APP: variants seen among roughly 807,000 people sequenced by gnomAD.
APP encodes the protein amyloid-beta precursor protein.
APP carries 31 observed loss-of-function variants against 101.4 expected under a neutral mutation model. The observed-to-expected ratio is 0.31, with a 90% CI of 0.23 to 0.41. The LOEUF (loss-of-function observed/expected upper bound fraction) is 0.41. Among genes scored for constraint, APP ranks in the 10% least tolerant of loss-of-function variants. The pLI is 1.00. For missense variants in APP, 839 were observed against 1,003.7 expected (o/e 0.84, Z 2.22); for synonymous variants, 366 against 364.4 (o/e 1.00, Z -0.05).
chr21:26,038,468 G>GA (rs757019836), intron 5 of APP, among the ~76,000 whole-genome samples: 2 of 152,008 alleles, frequency 1.3e-5, no homozygotes, highest in African/African-American at 2.4e-5. Context: ...ATTTGACTAA[G>GA]AAAAAAATCA....
At chr21:25,901,317 A>C (rs2038465462) in intron 15 of APP, among the ~76,000 whole-genome samples, 3 of 96,662 alleles carry the variant, frequency 3.1e-5, no homozygotes, top group Admixed American at 1.1e-4. Flanking sequence ...AAAAAAAAAA[A>C]ACAAAACCAA....
chr21:25,909,093 C>T (rs958682676), intron 14 of APP, among the ~76,000 whole-genome samples: 1 of 151,946 alleles, frequency 6.6e-6, no homozygotes, highest in Admixed American at 6.6e-5. Flanking sequence ...GAAACCCTAT[C>T]TCTAGTAAAA....
At chr21:26,131,359 C>T (rs1417369911) in intron 1 of APP, among the ~76,000 whole-genome samples, 2 of 152,098 alleles carry the variant, frequency 1.3e-5, no homozygotes, top group African/African-American at 2.4e-5. Flanking sequence ...CGAGGTTTTC[C>T]AGCGAAATGC....
chr21:26,144,893 G>A (rs1388370442), intron 1 of APP, among the ~76,000 whole-genome samples: 1 of 152,198 alleles, frequency 6.6e-6, no homozygotes, highest in Non-Finnish European at 1.5e-5. Context: ...AATAATTTAT[G>A]CTTCCAGTAC....
At chr21:26,170,543 C>T in intron 1 of APP, 21 bp downstream of exon 1, 2 of 1,537,010 alleles carry the variant, frequency 1.3e-6, no homozygotes, top group Non-Finnish European at 1.7e-6. Flanking sequence ...CTCCCCCCGC[C>T]TTCCGAGGCG....
At chr21:26,019,929 T>A (rs914535893) in intron 6 of APP, among the ~76,000 whole-genome samples, 6 of 152,186 alleles carry the variant, frequency 3.9e-5, no homozygotes, top group African/African-American at 1.4e-4. Context: ...AAAATGGTGG[T>A]TTAAACAAAA....
chr21:26,131,493 A>G (rs898987666), intron 1 of APP, among the ~76,000 whole-genome samples: 4 of 152,242 alleles, frequency 2.6e-5, no homozygotes, highest in African/African-American at 9.6e-5. Flanking sequence ...CAAAACAAAG[A>G]TTATTAAACT....
intron 13 of APP, chr21:25,945,631 C>T (rs947126593): frequency 8.1e-6 from 2 of 245,854 alleles, no homozygotes. Context: ...AGAAATAAAC[C>T]CATATTATCT....
chr21:25,914,693 A>G (rs2039264652), intron 13 of APP, among the ~76,000 whole-genome samples: 1 of 151,792 alleles, frequency 6.6e-6, no homozygotes, highest in Non-Finnish European at 1.5e-5. Flanking sequence ...AGCTGGGACT[A>G]CAGGCGCCCG....
intron 3 of APP, among the ~76,000 whole-genome samples, chr21:26,078,887 C>T (rs10854297): frequency 0.089 from 13,606 of 152,056 alleles, 756 homozygotes; most frequent in East Asian, 0.2. Flanking sequence ...CTACTAAAAA[C>T]AGAAAAATAG....
At chr21:26,104,701 G>C (rs1479840947) in intron 2 of APP, among the ~76,000 whole-genome samples, 1 of 152,192 alleles carries the variant, frequency 6.6e-6, no homozygotes, top group Non-Finnish European at 1.5e-5. Flanking sequence ...ATGAGACTAT[G>C]AAAGGAGCAG....
intron 5 of APP, among the ~76,000 whole-genome samples, chr21:26,043,229 T>G (rs1285868429): frequency 1.4e-5 from 2 of 142,650 alleles, no homozygotes; most frequent in Non-Finnish European, 3.0e-5. Context: ...TTAGTTTTTC[T>G]TTTCTTTTCT....
At chr21:25,905,182 A>G in intron 14 of APP, 105 bp from the exon 15 acceptor site, 2 of 958,400 alleles carry the variant, frequency 2.1e-6, no homozygotes, top group Non-Finnish European at 3.3e-6. Context: ...TATGCAATAA[A>G]CAAGTTACAA....
intron 15 of APP, among the ~76,000 whole-genome samples, chr21:25,898,584 T>C (rs746104250): frequency 7.2e-5 from 11 of 152,224 alleles, no homozygotes; most frequent in Non-Finnish European, 1.3e-4. Flanking sequence ...TGTTTGAACA[T>C]AGAGGAATGT....
chr21:26,048,045 G>A (rs2045682092), intron 5 of APP, among the ~76,000 whole-genome samples: 1 of 152,174 alleles, frequency 6.6e-6, no homozygotes, highest in African/African-American at 2.4e-5. Context: ...GGCCAGGCAC[G>A]GTGGCTCAAG....
chr21:26,056,889 C>T (rs1224167271), intron 3 of APP, among the ~76,000 whole-genome samples: 1 of 152,204 alleles, frequency 6.6e-6, no homozygotes, highest in Non-Finnish European at 1.5e-5. Flanking sequence ...TAGAAGGTTA[C>T]ACATCAGAAA....
chr21:26,027,217 C>T lies in APP; in HGVS notation c.663-5175G>A, dbSNP rs114879750. Among the ~76,000 whole-genome samples the T allele has an allele frequency of 5.4e-3, 824 of 152,142 alleles. 9 individuals are homozygous for T. The highest frequency in any genetic ancestry group is 0.019 in the African/African-American group (779 of 41,488). On this transcript the variant is annotated intron_variant, in intron 5 of 17. Coordinates refer to ENST00000346798, the MANE Select transcript of APP (RefSeq NM_000484.4). ...TGTCAGTTCCTGAAATGCAACCAAC[C>T]AGGGGAAAGCTCAGCAGGAAGAGGT...
chr21:26,094,994 C>T (rs1261476961), intron 2 of APP, among the ~76,000 whole-genome samples: 5 of 152,044 alleles, frequency 3.3e-5, no homozygotes, highest in Non-Finnish European at 7.4e-5. Flanking sequence ...TACAGGCACC[C>T]ACTACCACAC....
chr21:26,004,891 G>A (rs1247240461), intron 6 of APP, among the ~76,000 whole-genome samples: 1 of 148,764 alleles, frequency 6.7e-6, no homozygotes, highest in Non-Finnish European at 1.5e-5. Flanking sequence ...CTATGAGTGA[G>A]AACATGCAGA....
Sources: gnomAD v4.1 joint callset for allele counts (sites outside exome capture counted in the v4.1 genomes callset) on GRCh38, gnomAD v4.1.1 for gene constraint, MANE v1.5 for transcripts, NCBI Gene and HGNC (gene_info 2026-07-23, HGNC 2026-07-21) for gene names.